The following ADAMTSL5 variants were observed in gnomAD, a reference collection of about 807,000 sequenced individuals.
The protein encoded by ADAMTSL5 is ADAMTS-like protein 5.
ADAMTSL5 carries 53 observed loss-of-function variants against 51.7 expected under a neutral mutation model. That is an observed-to-expected ratio of 1.03 (90% CI 0.82 to 1.29). The LOEUF (loss-of-function observed/expected upper bound fraction) is 1.29. Among genes scored for constraint, ADAMTSL5 ranks in the 50% most tolerant of loss-of-function variants. The probability of loss-of-function intolerance (pLI) is 0.00; values close to 1 mark genes in which losing one functional copy is unlikely to be tolerated. For missense variants in ADAMTSL5, 770 were observed against 676.2 expected, an observed-to-expected ratio of 1.14 and a Z score of -1.54; for synonymous variants, 285 against 278.7, an observed-to-expected ratio of 1.02 and a Z score of -0.23.
intron 5 of ADAMTSL5, among the ~76,000 whole-genome samples, chr19:1,509,549 T>G (rs1397622681): frequency 6.8e-6 from 1 of 146,168 alleles, no homozygotes; most frequent in Non-Finnish European, 1.5e-5. Context: ...GATCCTGGGC[T>G]GGCCCTAGTG....
chr19:1,508,598 G>T, intron 5 of ADAMTSL5, 28 bp from the exon 6 acceptor site: 2 of 1,495,826 alleles, frequency 1.3e-6, no homozygotes, highest in South Asian at 1.3e-5. Context: ...CGGTGGGCCG[G>T]GGACCCCTGT....
Position 1,507,662 on chromosome 19 carries a change from G to A in ADAMTSL5, c.602-19C>T, listed in dbSNP as rs1045171488. The A allele has an allele frequency of 1.5e-5, 24 of 1,607,946 alleles. No individual in the cohort carries two copies. The highest frequency in any genetic ancestry group is 2.0e-5 in the Non-Finnish European group (23 of 1,175,230). The stretch of plus-strand genomic sequence containing the variant: ...AAGGCACCTGGGTGGGAGGGTAGGA[G>A]GGTGTTGGGGTGCCAGTGGGGGTGT... On this transcript the variant is annotated intron_variant, in intron 7 of 11. Transcript: ENST00000330475.
chr19:1,511,991 G>C (rs1210413771), intron 1 of ADAMTSL5, among the ~76,000 whole-genome samples: 1 of 152,220 alleles, frequency 6.6e-6, no homozygotes, highest in Non-Finnish European at 1.5e-5. Flanking sequence ...AGGGGAGGAG[G>C]CTGACTGCCT....
rs767331925 is a variant in ADAMTSL5, at chr19:1,508,074, G to A, written c.525C>T (p.Ala175=). The A allele has an allele frequency of 5.6e-6, 9 of 1,610,612 alleles. No homozygotes were observed. The highest frequency in any genetic ancestry group is 3.3e-5 in the Admixed American group (2 of 59,800). Residue 175 remains alanine (A), a synonymous_variant, in exon 7 of 12, where the codon GCC becomes GCT. Transcript: ENST00000330475. ...CGCAGCGGCCACAGCGGTCCTCGAG[G>A]GCACCCGAGCCCAACAACCCATCAC... The part of the protein sequence containing the change: ...AGCDGLLGSG[A]LEDRCGRCGG...
At chr19:1,512,667 G>A (rs933717731) in intron 1 of ADAMTSL5, among the ~76,000 whole-genome samples, 1 of 151,996 alleles carries the variant, frequency 6.6e-6, no homozygotes, top group Admixed American at 6.6e-5. Context: ...GCGACATAGT[G>A]AGACTCAGTC....
chr19:1,510,030 TC>T (rs1363071562), intron 5 of ADAMTSL5, 119 bp downstream of exon 5: 2 of 776,510 alleles, frequency 2.6e-6, no homozygotes, highest in East Asian at 2.7e-5. Flanking sequence ...CTCCTACATA[TC>T]CTTCAAAGCC....
intron 5 of ADAMTSL5, 79 bp from the exon 6 acceptor site, chr19:1,508,649 C>A: frequency 7.0e-7 from 1 of 1,433,910 alleles, no homozygotes; most frequent in South Asian, 1.4e-5. Context: ...ATCAGGCAAC[C>A]ATCACTTTGG....
At chr19:1,507,536 T>C (rs791461) in intron 8 of ADAMTSL5, 21 bp downstream of exon 8, 856,696 of 1,612,622 alleles carry the variant, frequency 0.53, 230,960 homozygotes, top group African/African-American at 0.7. Context: ...CGGGTGCCTC[T>C]CGCCTCACAT....
chr19:1,506,354 C>T lies in ADAMTSL5; in HGVS notation c.1115-38G>A, dbSNP rs1599281841. 1 of 1,539,684 alleles carries T rather than the reference C, an allele frequency of 6.5e-7. No individual in the cohort carries two copies. Among genetic ancestry groups the T allele is most frequent in the African/African-American group, 1.4e-5 (1 of 72,944 alleles). ...CGTGCTAAGCTGGCTGGCTGCTCAA[C>T]TCTGCGCAAATCTCTACGCCCCCTC... On this transcript the variant is annotated intron_variant, in intron 11 of 11. Transcript: ENST00000330475. This position sits in a 1 kb window ranked among gnomAD's most constrained non-coding sequence, Gnocchi z 5.6.
intron 3 of ADAMTSL5, 93 bp downstream of exon 3, chr19:1,510,546 C>A: frequency 6.7e-7 from 1 of 1,487,596 alleles, no homozygotes; most frequent in South Asian, 1.3e-5. Flanking sequence ...GATTAAAGGG[C>A]ACAGCATGTG....
chr19:1,507,657 TAGG>T lies in ADAMTSL5; in HGVS notation c.602-17_602-15del. The stretch of plus-strand genomic sequence containing the variant: ...CAGCGAAGGCACCTGGGTGGGAGGG[TAGG>T]AGGGTGTTGGGGTGCCAGTGGGGGT... On this transcript the variant is annotated splice_polypyrimidine_tract_variant and intron_variant, in intron 7 of 11. Transcript: ENST00000330475. 2 of 1,611,522 alleles carry T rather than the reference TAGG, an allele frequency of 1.2e-6. No homozygotes were observed. Among genetic ancestry groups the T allele is most frequent in the Non-Finnish European group, 1.7e-6 (2 of 1,178,818 alleles).
Position 1,508,480 on chromosome 19 carries a change from G to T in ADAMTSL5, c.452C>A (p.Pro151Gln). 1 of 1,583,786 alleles carries T rather than the reference G, an allele frequency of 6.3e-7. No homozygotes were observed. The highest frequency in any genetic ancestry group is 1.7e-5 in the Admixed American group (1 of 58,086). Residue 151 changes from proline (P) to glutamine (Q), a missense_variant, in exon 6 of 12, where the codon CCG becomes CAG. By Grantham distance (76) the Pro-to-Gln change is moderately conservative. Transcript: ENST00000330475. ...AGCCACGCAGACCCCCTGGGCACCC[G>T]GGCTGCAGGCGGTGCCGTCCAGGAC... Reference protein sequence around the residue: ...GRVLDGTACSPGAQGVCVAGR... With the variant: ...GRVLDGTACSQGAQGVCVAGR...
At chr19:1,509,642 G>GGA (rs1568243895) in intron 5 of ADAMTSL5, among the ~76,000 whole-genome samples, 10 of 106,774 alleles carry the variant, frequency 9.4e-5, no homozygotes, top group African/African-American at 1.3e-4. Flanking sequence ...GGGAGGGAGG[G>GGA]AGGGAGGAAG....
intron 1 of ADAMTSL5, among the ~76,000 whole-genome samples, chr19:1,512,021 C>T (rs1913287076): frequency 6.6e-6 from 1 of 152,200 alleles, no homozygotes; most frequent in Non-Finnish European, 1.5e-5. Flanking sequence ...TTAGTTTCTC[C>T]ATCCTGTCAG....
At chr19:1,510,528 A>T (rs265292) in intron 3 of ADAMTSL5, 100 bp from the exon 4 acceptor site, 18,737 of 1,492,936 alleles carry the variant, frequency 0.013, 684 homozygotes, top group African/African-American at 0.12. Context: ...TTCCAGCGGG[A>T]TCAGGGGGAT....
At position 1,506,559 on chromosome 19, in the gene ADAMTSL5, G is replaced by A; in HGVS notation, c.1114+31C>T. ...TCAGGAGGAGGCCAGGTTAGTAGGG[G>A]CTAAGTCAGGGTAGAGGTCGGGGGT... On this transcript the variant is annotated intron_variant, in intron 11 of 11. Transcript: ENST00000330475. This position sits in a 1 kb window ranked among gnomAD's most constrained non-coding sequence, Gnocchi z 5.6. 8.1e-6 allele frequency: 13 copies of A among 1,603,836 alleles called. No homozygotes were observed. The highest frequency in any genetic ancestry group is 1.1e-5 in the South Asian group (1 of 89,052).
rs1239278997 is a variant in ADAMTSL5 at position 1,506,425 on chromosome 19, A to G, written c.1115-109T>C. 3.4e-6 allele frequency: 5 copies of G among 1,460,390 alleles called. No homozygotes were observed. The highest frequency in any genetic ancestry group is 4.6e-6 in the Non-Finnish European group (5 of 1,075,558). The allele number at this position is 1,460,390 out of a possible 1,614,324, so 90.5% of individuals were successfully genotyped here. A position where few individuals can be genotyped will look rare whatever the true frequency, so the allele number is the denominator to read the frequency against. ...AGGGTCAGGTGGGACCTCGGGATCT[A>G]TAGGGACTAGAGTCAGGATCACGTC... On this transcript the variant is annotated intron_variant, in intron 11 of 11. Coordinates refer to ENST00000330475, the MANE Select transcript of ADAMTSL5 (RefSeq NM_213604.3). The surrounding 1 kb of genome is among the most constrained non-coding windows in gnomAD (Gnocchi z 5.6).
At chr19:1,512,408 C>T (rs918469348) in intron 1 of ADAMTSL5, among the ~76,000 whole-genome samples, 8 of 152,016 alleles carry the variant, frequency 5.3e-5, no homozygotes, top group South Asian at 2.1e-4. Flanking sequence ...GGGCCAGGTG[C>T]GGTGGCTCAC....
chr19:1,507,717 G>C, intron 7 of ADAMTSL5, 74 bp from the exon 8 acceptor site: 1 of 1,427,664 alleles, frequency 7.0e-7, no homozygotes, highest in Non-Finnish European at 9.8e-7. Flanking sequence ...GATTTAATGA[G>C]CTACTGCGGG....
Sources: gnomAD v4.1 joint callset for allele counts (sites outside exome capture counted in the v4.1 genomes callset) on GRCh38, gnomAD v4.1.1 for gene constraint, Gnocchi (gnomAD v3.1) non-coding constraint, MANE v1.5 for transcripts, NCBI Gene and HGNC (gene_info 2026-07-23, HGNC 2026-07-21) for gene names.